The following ANXA10 variants were observed in gnomAD, a reference collection of about 807,000 sequenced individuals.
ANXA10 encodes annexin A10, also known as annexin 14.
A neutral mutation model predicts 53.5 loss-of-function variants in ANXA10; 49 were observed. The observed-to-expected ratio is 0.92, with a 90% confidence interval of 0.73 to 1.16. The LOEUF is 1.16. ANXA10 is among the 50% of genes most tolerant of loss of function. ANXA10 has a pLI of 0.00. For synonymous variants in ANXA10, 131 were observed against 128.9 expected, an observed-to-expected ratio of 1.02 and a Z score of -0.11; for missense variants, 393 against 394.4, an observed-to-expected ratio of 1.00 and a Z score of 0.03.
rs72989404 is a variant in ANXA10, at chr4:168,180,061, A to G, written c.724+749A>G. 6.5e-3 allele frequency among the ~76,000 whole-genome samples: 994 copies of G among 152,256 alleles called. 8 individuals are homozygous for G. The highest frequency in any genetic ancestry group is 0.023 in the African/African-American group (941 of 41,542). ...GAATAAATGAATATTGTGATTTTCC[A>G]TCCTTGAATGGCAGAGGCATACACG... On this transcript the variant is annotated intron_variant, in intron 9 of 11. Transcript: ENST00000359299.
At chr4:168,165,778 G>C (rs1731867657) in intron 6 of ANXA10, among the ~76,000 whole-genome samples, 1 of 152,110 alleles carries the variant, frequency 6.6e-6, no homozygotes, top group Non-Finnish European at 1.5e-5. Flanking sequence ...CTGGGTTCAA[G>C]TGATTTTCCT....
chr4:168,133,906 A>T (rs983648956), intron 2 of ANXA10, among the ~76,000 whole-genome samples: 1 of 152,126 alleles, frequency 6.6e-6, no homozygotes, highest in South Asian at 2.1e-4. Flanking sequence ...ATTATTTAGA[A>T]ATCCCTGACC....
intron 3 of ANXA10, among the ~76,000 whole-genome samples, chr4:168,155,548 A>AAATATATAATTATAT (rs1560783404): frequency 1.7e-4 from 6 of 35,356 alleles, no homozygotes; most frequent in Non-Finnish European, 2.6e-4. Flanking sequence ...ATATATTATA[A>AAATATATAATTATAT]AATATATAAT....
intron 1 of ANXA10, among the ~76,000 whole-genome samples, chr4:168,103,697 A>G (rs1407709418): frequency 6.6e-6 from 1 of 151,922 alleles, no homozygotes; most frequent in Admixed American, 6.6e-5. Context: ...TCGACACAAA[A>G]TTCTGCCAGG....
chr4:168,152,131 G>A lies in ANXA10; in HGVS notation c.196-10397G>A, dbSNP rs571393768. ...ATTCCACCTGGGTGGGAGAGATCAT[G>A]CATAGAAGGCAATAAATGCTTTGGA... On this transcript the variant is annotated intron_variant, in intron 3 of 11. Transcript: ENST00000359299. Among the ~76,000 whole-genome samples the A allele has an allele frequency of 3.9e-5, 6 of 152,342 alleles. No individual in the cohort carries two copies. The South Asian group carries it at 1.2e-3, about 32-fold the overall frequency.
intron 9 of ANXA10, among the ~76,000 whole-genome samples, chr4:168,180,986 A>C (rs1732228589): frequency 6.6e-6 from 1 of 152,184 alleles, no homozygotes; most frequent in Non-Finnish European, 1.5e-5. Context: ...ACAAATCTAT[A>C]AGTTACTAAA....
intron 1 of ANXA10, among the ~76,000 whole-genome samples, chr4:168,097,079 T>C (rs528757168): frequency 2.0e-5 from 3 of 152,040 alleles, no homozygotes; most frequent in East Asian, 3.9e-4. Flanking sequence ...TGTTTATTTA[T>C]AAGTAGATTG....
chr4:168,159,996 C>A (rs769944175), intron 3 of ANXA10, among the ~76,000 whole-genome samples: 6 of 152,080 alleles, frequency 3.9e-5, no homozygotes, highest in Non-Finnish European at 8.8e-5. Flanking sequence ...ATTTTAAACA[C>A]CGTTCAGATT....
At chr4:168,157,201 A>G (rs1410045950) in intron 3 of ANXA10, among the ~76,000 whole-genome samples, 2 of 152,206 alleles carry the variant, frequency 1.3e-5, no homozygotes, top group Non-Finnish European at 2.9e-5. Flanking sequence ...CAATTTCTAT[A>G]AAATAAACTT....
intron 1 of ANXA10, among the ~76,000 whole-genome samples, chr4:168,122,715 G>A (rs958676462): frequency 9.2e-5 from 14 of 152,014 alleles, no homozygotes; most frequent in Admixed American, 4.6e-4. Context: ...GATGACTGGC[G>A]GGCAGGTTGT....
chr4:168,098,099 A>T (rs1318187138), intron 1 of ANXA10, among the ~76,000 whole-genome samples: 1 of 144,452 alleles, frequency 6.9e-6, no homozygotes, highest in Non-Finnish European at 1.5e-5. Context: ...ATTACTTTAA[A>T]TCTAAGGCAC....
chr4:168,121,217 A>AC, intron 1 of ANXA10, among the ~76,000 whole-genome samples: 1 of 151,804 alleles, frequency 6.6e-6, no homozygotes, highest in African/African-American at 2.4e-5. Flanking sequence ...CTCACCAAAA[A>AC]ACACACACAC....
At chr4:168,186,518 C>T (rs1038713386) in intron 11 of ANXA10, among the ~76,000 whole-genome samples, 5 of 152,172 alleles carry the variant, frequency 3.3e-5, no homozygotes, top group African/African-American at 1.2e-4. Flanking sequence ...AAAGAGAACA[C>T]CTTTGTCCCT....
chr4:168,148,260 T>C (rs1419282910), intron 3 of ANXA10, among the ~76,000 whole-genome samples: 1 of 151,894 alleles, frequency 6.6e-6, no homozygotes, highest in Non-Finnish European at 1.5e-5. Flanking sequence ...CTCTGTCTCC[T>C]GGGTTCAAGC....
chr4:168,153,935 TTC>T (rs993661553), intron 3 of ANXA10, among the ~76,000 whole-genome samples: 25 of 151,946 alleles, frequency 1.6e-4, no homozygotes, highest in East Asian at 1.9e-4. Flanking sequence ...ATTATATTAT[TTC>T]TTTTTTTTTT....
chr4:168,124,469 T>G (rs1157870702), intron 1 of ANXA10, among the ~76,000 whole-genome samples: 1 of 152,190 alleles, frequency 6.6e-6, no homozygotes, highest in Admixed American at 6.5e-5. Context: ...AAGAATATTG[T>G]ATATCTGTTA....
intron 3 of ANXA10, among the ~76,000 whole-genome samples, chr4:168,160,781 T>C (rs1731769210): frequency 6.6e-6 from 1 of 152,302 alleles, no homozygotes; most frequent in South Asian, 2.1e-4. Context: ...TATCTCACTG[T>C]GGTTTTGATT....
At chr4:168,154,030 G>A (rs1731558516) in intron 3 of ANXA10, among the ~76,000 whole-genome samples, 1 of 151,622 alleles carries the variant, frequency 6.6e-6, no homozygotes, top group South Asian at 2.1e-4. Flanking sequence ...GCGTGCCTCT[G>A]AGTTGAAAAC....
In ANXA10 at chr4:168,116,962, G is replaced by T. The variant is rs76944620; in HGVS notation, c.19-11122G>T. Among the ~76,000 whole-genome samples the T allele has an allele frequency of 7.5e-3, 1,122 of 149,568 alleles. 17 individuals are homozygous for T. The highest frequency in any genetic ancestry group is 0.026 in the African/African-American group (1,071 of 40,712). On this transcript the variant is annotated intron_variant, in intron 1 of 11. Coordinates refer to ENST00000359299, the MANE Select transcript of ANXA10 (RefSeq NM_007193.5). ...CATTTAATTTTATGAATTTCCTCCA[G>T]TTTCACTAATATCATCAGCAAATTT...
Sources: gnomAD v4.1 joint callset for allele counts (sites outside exome capture counted in the v4.1 genomes callset) on GRCh38, gnomAD v4.1.1 for gene constraint, MANE v1.5 for transcripts, NCBI Gene and HGNC (gene_info 2026-07-23, HGNC 2026-07-21) for gene names.